PRMT8: variants seen among roughly 807,000 people sequenced by gnomAD.
PRMT8 encodes the protein protein arginine methyltransferase 8, also known as protein arginine N-methyltransferase 8.
PRMT8 carries 7 observed loss-of-function variants against 47.1 expected under a neutral mutation model. The ratio of observed to expected loss-of-function variants is 0.15; its 90% CI spans 0.08 to 0.28. The LOEUF is 0.28. PRMT8 is among the 10% of genes least tolerant of loss of function. The pLI, the probability that PRMT8 is intolerant of heterozygous loss-of-function variation, is 1.00. For synonymous variants in PRMT8, 188 were observed against 186.5 expected (o/e 1.01, Z -0.07); for missense variants, 237 against 505.4 (o/e 0.47, Z 5.09).
intron 1 of PRMT8, among the ~76,000 whole-genome samples, chr12:3,427,929 T>A (rs1198907253): frequency 6.6e-6 from 1 of 152,238 alleles, no homozygotes; most frequent in Admixed American, 6.5e-5. Flanking sequence ...TAGAAGTTAC[T>A]ATAATACATG....
chr12:3,565,931 A>G lies in PRMT8; in HGVS notation c.482-2775A>G, dbSNP rs17779932. Among the ~76,000 whole-genome samples the G allele has an allele frequency of 1.1e-3, 166 of 152,274 alleles. 4 individuals carry two copies. The East Asian group carries it at 0.026, about 23-fold the overall frequency. On this transcript the variant is annotated intron_variant, in intron 4 of 9. Coordinates refer to ENST00000382622, the MANE Select transcript of PRMT8 (RefSeq NM_019854.5). ...AAAATTGTCATGGGTGGAGCCTTGT[A>G]CTAAACACTCAGGGTAGAGGTCATG...
intron 1 of PRMT8, among the ~76,000 whole-genome samples, chr12:3,459,045 T>C (rs1452973796): frequency 7.9e-5 from 12 of 152,308 alleles, no homozygotes; most frequent in African/African-American, 2.9e-4. Flanking sequence ...TTTGTTCCTG[T>C]TAAGGTGTTG....
chr12:3,404,969 AT>A (rs1281598280), intron 1 of PRMT8, among the ~76,000 whole-genome samples: 1 of 152,120 alleles, frequency 6.6e-6, no homozygotes, highest in Non-Finnish European at 1.5e-5. Flanking sequence ...AGCAGTTTTC[AT>A]TTGGTTAGCC....
chr12:3,515,688 A>G (rs1281623004), intron 1 of PRMT8, among the ~76,000 whole-genome samples: 2 of 152,196 alleles, frequency 1.3e-5, no homozygotes, highest in African/African-American at 2.4e-5. Flanking sequence ...GTAGAAGCAC[A>G]TTGCTTTCCT....
Position 3,385,911 on chromosome 12 carries a change from T to TCATC in PRMT8, c.48+4471_48+4474dup, listed in dbSNP as rs931929327. On this transcript the variant is annotated intron_variant, in intron 1 of 9. Transcript: ENST00000452611. ...ACTCTCCGTTCTTTTGTCTACTTGT[T>TCATC]CATCCGTCCATCCATCCATCCATCC... Among the ~76,000 whole-genome samples the TCATC allele has an allele frequency of 9.4e-4, 54 of 57,258 alleles. No homozygotes were observed. In the East Asian group the frequency reaches 0.029, roughly 31 times the overall value. 37.6% of individuals were successfully genotyped at this position (57,258 alleles called of 152,430 possible).
Position 3,436,413 on chromosome 12 carries a change from G to A in PRMT8, c.48+54971G>A, listed in dbSNP as rs1313738833. 2.6e-5 allele frequency among the ~76,000 whole-genome samples: 4 copies of A among 152,186 alleles called. No individual in the cohort carries two copies. Among genetic ancestry groups the A allele is most frequent in the African/African-American group, 9.7e-5 (4 of 41,442 alleles). Reference sequence around the variant, plus strand: ...AGCACCAGCAGCCCCAGGTAAGCCAGGGGCTGAGCTACTGTGATAAAATTC... The same window carrying A: ...AGCACCAGCAGCCCCAGGTAAGCCAAGGGCTGAGCTACTGTGATAAAATTC... On this transcript the variant is annotated intron_variant, in intron 1 of 9. Coordinates refer to the PRMT8 transcript ENST00000452611. The surrounding 1 kb of genome is among the most constrained non-coding windows in gnomAD (Gnocchi z 4.2).
intron 1 of PRMT8, among the ~76,000 whole-genome samples, chr12:3,447,876 C>T (rs1785965795): frequency 6.6e-6 from 1 of 152,134 alleles, no homozygotes; most frequent in Non-Finnish European, 1.5e-5. Flanking sequence ...CTTGGGCACA[C>T]CTGCCATGCT....
At chr12:3,582,998 C>T (rs772660533) in intron 7 of PRMT8, 60 bp from the exon 8 acceptor site, 14 of 1,574,858 alleles carry the variant, frequency 8.9e-6, no homozygotes, top group South Asian at 5.9e-5. Flanking sequence ...GGCTGCTGAC[C>T]GGGACCCAGA....
At chr12:3,522,482 G>C (rs1435280665) in intron 1 of PRMT8, among the ~76,000 whole-genome samples, 1 of 151,984 alleles carries the variant, frequency 6.6e-6, no homozygotes, top group African/African-American at 2.4e-5. Context: ...TGGCCAAGAT[G>C]GTGAAAACAC....
At position 3,491,367 on chromosome 12, in the gene PRMT8, G is replaced by C; in HGVS notation, c.-259G>C. The C allele has an allele frequency of 8.5e-7, 1 of 1,177,050 alleles. No individual in the cohort carries two copies. Among genetic ancestry groups the C allele is most frequent in the Non-Finnish European group, 1.1e-6 (1 of 951,224 alleles). The allele number at this position is 1,177,050 out of a possible 1,614,324, so 72.9% of individuals were successfully genotyped here. A position where few individuals can be genotyped will look rare whatever the true frequency, so the allele number is the denominator to read the frequency against. Reference sequence around the variant, plus strand: ...TAGCCCGCAGCGCGGGTGGAGAGGGGCGGGGAGGGGGTCGGGGGCACGAGA... The same window carrying C: ...TAGCCCGCAGCGCGGGTGGAGAGGGCCGGGGAGGGGGTCGGGGGCACGAGA... On this transcript the variant is annotated 5_prime_UTR_variant, in exon 1 of 10. Coordinates refer to ENST00000382622, the MANE Select transcript of PRMT8 (RefSeq NM_019854.5).
At chr12:3,537,416 A>G (rs992452938) in intron 1 of PRMT8, among the ~76,000 whole-genome samples, 2 of 152,202 alleles carry the variant, frequency 1.3e-5, no homozygotes, top group Non-Finnish European at 2.9e-5. Flanking sequence ...TCTACGTATT[A>G]AGGGCATTAA....
intron 1 of PRMT8, among the ~76,000 whole-genome samples, chr12:3,421,732 C>T (rs146204283): frequency 6.6e-6 from 1 of 152,346 alleles, no homozygotes; most frequent in African/African-American, 2.4e-5. Flanking sequence ...GATGACACCA[C>T]ATTTAATCGC....
At chr12:3,494,041 C>T (rs1473397941) in intron 1 of PRMT8, among the ~76,000 whole-genome samples, 2 of 152,232 alleles carry the variant, frequency 1.3e-5, no homozygotes, top group Non-Finnish European at 2.9e-5. Context: ...ACTAGAGCAG[C>T]ACTTCCAAAA....
At chr12:3,496,540 A>C (rs549919931) in intron 1 of PRMT8, among the ~76,000 whole-genome samples, 15 of 152,044 alleles carry the variant, frequency 9.9e-5, no homozygotes, top group Non-Finnish European at 1.9e-4. Context: ...GTGTACACTA[A>C]CTAGTAGGCT....
chr12:3,418,500 A>G (rs1354072248), intron 1 of PRMT8, among the ~76,000 whole-genome samples: 1 of 152,218 alleles, frequency 6.6e-6, no homozygotes, highest in African/African-American at 2.4e-5. Flanking sequence ...AAGCTGGTCC[A>G]GCCCATGGCT....
At chr12:3,543,985 C>A (rs1866281363) in intron 2 of PRMT8, among the ~76,000 whole-genome samples, 1 of 152,228 alleles carries the variant, frequency 6.6e-6, no homozygotes, top group Non-Finnish European at 1.5e-5. Flanking sequence ...CCCTCCAGCA[C>A]CCTGAGCTCT....
upstream of PRMT8, among the ~76,000 whole-genome samples, chr12:3,489,857 A>ACT (rs1192979423): frequency 1.3e-5 from 2 of 150,844 alleles, no homozygotes; most frequent in African/African-American, 4.9e-5. Flanking sequence ...ACACACACAC[A>ACT]CTCAAGCCTC....
intron 1 of PRMT8, among the ~76,000 whole-genome samples, chr12:3,423,014 C>G (rs1371563153): frequency 6.6e-6 from 1 of 152,208 alleles, no homozygotes; most frequent in Non-Finnish European, 1.5e-5. Context: ...GTACAGGTAG[C>G]AAACAAGGGA....
intron 1 of PRMT8, among the ~76,000 whole-genome samples, chr12:3,479,948 G>A (rs772443996): frequency 1.6e-4 from 24 of 152,244 alleles, no homozygotes; most frequent in Non-Finnish European, 3.2e-4. Flanking sequence ...AGGTTAAAAC[G>A]TGTGAGGGGG....
Sources: allele counts gnomAD v4.1 joint callset (sites outside exome capture counted in the v4.1 genomes callset), GRCh38; gene constraint gnomAD v4.1.1; non-coding constraint Gnocchi (gnomAD v3.1); transcripts MANE v1.5; gene names NCBI Gene and HGNC (gene_info 2026-07-23, HGNC 2026-07-21).